RBFOX1: variants seen among roughly 807,000 people sequenced by gnomAD.
The protein encoded by RBFOX1 is RNA binding fox-1 homolog 1, also known as RNA binding protein fox-1 homolog 1.
RBFOX1 carries 8 observed loss-of-function variants against 57.7 expected under a neutral mutation model. That is an observed-to-expected ratio of 0.14 (90% CI 0.08 to 0.25). The LOEUF (loss-of-function observed/expected upper bound fraction) is 0.25, where lower values mean the gene tolerates loss of function less well. RBFOX1 is among the 10% of genes least tolerant of loss of function. RBFOX1 has a pLI of 1.00. For synonymous variants in RBFOX1, 326 were observed against 222.4 expected, an observed-to-expected ratio of 1.47 and a Z score of -4.15; for missense variants, 611 against 548.5, an observed-to-expected ratio of 1.11 and a Z score of -1.14.
chr16:5,636,118 C>T (rs967103418), intron 3 of RBFOX1, among the ~76,000 whole-genome samples: 5 of 152,016 alleles, frequency 3.3e-5, no homozygotes, highest in African/African-American at 9.7e-5. Context: ...GAGGCAAAGG[C>T]GGGTGGATCA....
chr16:7,385,998 C>G (rs1275376024), intron 4 of RBFOX1, among the ~76,000 whole-genome samples: 1 of 150,744 alleles, frequency 6.6e-6, no homozygotes, highest in South Asian at 2.1e-4. Context: ...ACCATGTTGG[C>G]CAGGCTGGTC....
intron 14 of RBFOX1, among the ~76,000 whole-genome samples, chr16:7,684,821 G>A (rs766408660): frequency 6.6e-6 from 1 of 152,032 alleles, no homozygotes; most frequent in Non-Finnish European, 1.5e-5. Flanking sequence ...GGGAGTGGAG[G>A]CACTTTAATA....
chr16:5,671,086 A>C (rs2049999670), intron 3 of RBFOX1, among the ~76,000 whole-genome samples: 2 of 152,224 alleles, frequency 1.3e-5, no homozygotes, highest in Admixed American at 6.5e-5. Context: ...CACACAAACC[A>C]GAGAAACATC....
chr16:7,385,460 G>C (rs2097859643), intron 4 of RBFOX1, among the ~76,000 whole-genome samples: 1 of 152,182 alleles, frequency 6.6e-6, no homozygotes, highest in East Asian at 1.9e-4. Context: ...GAGAGGTCGG[G>C]GCTTGGGTGA....
chr16:6,626,065 C>T (rs992017324), intron 2 of RBFOX1, among the ~76,000 whole-genome samples: 1 of 151,768 alleles, frequency 6.6e-6, no homozygotes, highest in African/African-American at 2.4e-5. Context: ...ATAGTGTTGC[C>T]TGCCTCTGAA....
chr16:7,104,171 C>A (rs2063171964), intron 4 of RBFOX1, among the ~76,000 whole-genome samples: 1 of 152,094 alleles, frequency 6.6e-6, no homozygotes, highest in East Asian at 1.9e-4. Flanking sequence ...AACAAAGTAG[C>A]ATTGATTTGT....
intron 1 of RBFOX1, among the ~76,000 whole-genome samples, chr16:5,413,432 A>G (rs2067078328): frequency 6.6e-6 from 1 of 152,204 alleles, no homozygotes; most frequent in Admixed American, 6.5e-5. Context: ...CCATGTAGCT[A>G]TTTAAATTCA....
chr16:7,290,680 A>G (rs960597567), intron 4 of RBFOX1, among the ~76,000 whole-genome samples: 8 of 152,222 alleles, frequency 5.3e-5, no homozygotes, highest in African/African-American at 1.9e-4. Context: ...TAAGGTGGTG[A>G]GCATGCAACA....
intron 3 of RBFOX1, among the ~76,000 whole-genome samples, chr16:6,658,094 C>T (rs538108977): frequency 1.8e-4 from 27 of 152,130 alleles, no homozygotes; most frequent in East Asian, 9.7e-4. Context: ...TGGAGTCCTA[C>T]GGGGCCTCTC....
At chr16:6,567,178 C>T (rs1478358529) in intron 2 of RBFOX1, among the ~76,000 whole-genome samples, 1 of 152,118 alleles carries the variant, frequency 6.6e-6, no homozygotes, top group African/African-American at 2.4e-5. Flanking sequence ...AGTTTCAAAG[C>T]AGTACCAAGC....
chr16:6,882,009 A>G (rs572506021), intron 3 of RBFOX1, among the ~76,000 whole-genome samples: 39 of 152,304 alleles, frequency 2.6e-4, no homozygotes, highest in African/African-American at 8.7e-4. Flanking sequence ...AAAAAACTAA[A>G]ATCACCAAAG....
chr16:6,748,820 T>A (rs2074325137), intron 3 of RBFOX1: 1 of 152,192 alleles, frequency 6.6e-6, no homozygotes, highest in Non-Finnish European at 1.5e-5. Flanking sequence ...TATAAGATTT[T>A]ATTGAATACC....
intron 3 of RBFOX1, among the ~76,000 whole-genome samples, chr16:6,830,400 G>T (rs1291487345): frequency 2.0e-5 from 3 of 152,028 alleles, no homozygotes; most frequent in Non-Finnish European, 4.4e-5. Flanking sequence ...TTACTAACGG[G>T]AAGTAATAAT....
At chr16:7,319,226 A>G (rs910408222) in intron 4 of RBFOX1, among the ~76,000 whole-genome samples, 11 of 152,174 alleles carry the variant, frequency 7.2e-5, no homozygotes, top group African/African-American at 2.7e-4. Flanking sequence ...ACAAATGGCC[A>G]CCCTGGAGTC....
At chr16:5,961,327 C>A (rs1046339294) in intron 4 of RBFOX1, among the ~76,000 whole-genome samples, 5 of 151,962 alleles carry the variant, frequency 3.3e-5, no homozygotes, top group Non-Finnish European at 5.9e-5. Context: ...CATATTTAAC[C>A]GTTGTTGAAA....
chr16:6,851,214 G>A (rs1009167378), intron 3 of RBFOX1, among the ~76,000 whole-genome samples: 4 of 152,138 alleles, frequency 2.6e-5, no homozygotes, highest in Admixed American at 1.3e-4. Flanking sequence ...CGTGTATGTA[G>A]CATTCTTGAG....
At chr16:5,523,344 G>C (rs556096361) in intron 2 of RBFOX1, among the ~76,000 whole-genome samples, 4 of 151,272 alleles carry the variant, frequency 2.6e-5, no homozygotes, top group Non-Finnish European at 4.4e-5. Flanking sequence ...AGCTGGGCGC[G>C]GTGGTTTATG....
intron 13 of RBFOX1, among the ~76,000 whole-genome samples, chr16:7,665,953 T>C (rs1005946604): frequency 2.6e-5 from 4 of 152,252 alleles, no homozygotes; most frequent in African/African-American, 9.6e-5. Context: ...TAGACTTAGT[T>C]GAGTTCTACT....
chr16:5,277,483 T>C (rs2063169963), intron 1 of RBFOX1, among the ~76,000 whole-genome samples: 1 of 152,060 alleles, frequency 6.6e-6, no homozygotes, highest in Admixed American at 6.5e-5. Flanking sequence ...TTGTTAATAG[T>C]CACTTTCTAT....
Sources: gnomAD v4.1 joint callset for allele counts (sites outside exome capture counted in the v4.1 genomes callset) on GRCh38, gnomAD v4.1.1 for gene constraint, MANE v1.5 for transcripts, NCBI Gene and HGNC (gene_info 2026-07-23, HGNC 2026-07-21) for gene names.